Variants in SGCG observed in about 807,000 individuals in gnomAD.
SGCG encodes the protein sarcoglycan gamma, also known as gamma-sarcoglycan.
SGCG carries 26 observed loss-of-function variants against 29.3 expected under a neutral mutation model. The observed-to-expected ratio is 0.89, with a 90% CI of 0.65 to 1.23. SGCG has a LOEUF of 1.23. SGCG is among the 50% of genes most tolerant of loss of function. The probability of loss-of-function intolerance (pLI) is 0.00; values close to 1 mark genes in which losing one functional copy is unlikely to be tolerated. For synonymous variants in SGCG, 145 were observed against 129.7 expected (o/e 1.12, Z -0.80); for missense variants, 353 against 356.0 (o/e 0.99, Z 0.07).
intron 1 of SGCG, among the ~76,000 whole-genome samples, chr13:23,194,601 C>A (rs1293904925): frequency 6.6e-6 from 1 of 152,150 alleles, no homozygotes; most frequent in African/African-American, 2.4e-5. Flanking sequence ...ATAGCAGAGG[C>A]CAGCTTCTCT....
intron 1 of SGCG, among the ~76,000 whole-genome samples, chr13:23,190,491 G>T (rs535631524): frequency 6.6e-6 from 1 of 152,106 alleles, no homozygotes; most frequent in East Asian, 1.9e-4. Context: ...GAGCTTTGGG[G>T]ATAAATTTTA....
At chr13:23,276,194 C>A (rs1282167363) in intron 4 of SGCG, among the ~76,000 whole-genome samples, 2 of 151,788 alleles carry the variant, frequency 1.3e-5, no homozygotes, top group East Asian at 1.9e-4. Context: ...AAAAAAAAAA[C>A]CGCTAGAATA....
intron 1 of SGCG, among the ~76,000 whole-genome samples, chr13:23,200,446 A>AAT (rs1877698067): frequency 6.6e-6 from 1 of 152,100 alleles, no homozygotes; most frequent in Non-Finnish European, 1.5e-5. Context: ...ACAAACAAAA[A>AAT]AACTGGGAAT....
At chr13:23,297,289 G>A (rs1881944215) in intron 6 of SGCG, among the ~76,000 whole-genome samples, 1 of 151,836 alleles carries the variant, frequency 6.6e-6, no homozygotes, top group Non-Finnish European at 1.5e-5. Context: ...CTCGGTCAGG[G>A]AGACCCTAAC....
chr13:23,197,776 T>C (rs766889615), intron 1 of SGCG, among the ~76,000 whole-genome samples: 5 of 152,074 alleles, frequency 3.3e-5, no homozygotes, highest in African/African-American at 4.8e-5. Context: ...GGAGAAAATA[T>C]AGGAAAGACA....
At chr13:23,318,398 T>C (rs537003705) in intron 6 of SGCG, among the ~76,000 whole-genome samples, 1 of 151,858 alleles carries the variant, frequency 6.6e-6, no homozygotes, top group South Asian at 2.1e-4. Flanking sequence ...CAGTGTCTTA[T>C]GTCCTAAGAA....
rs779550455 is a variant in SGCG at position 23,250,647 on chromosome 13, A to G, written c.315A>G (p.Leu105=). 8 of 1,610,964 alleles carry G rather than the reference A, an allele frequency of 5.0e-6. No homozygotes were observed. The South Asian group carries it at 6.6e-5, about 13-fold the overall frequency. ...CTTTCTAGGACTCATCTCTGCTTCTACAATCAACCCAGAATGTGACTGTAA... is the reference window on the plus strand; with the variant it reads ...CTTTCTAGGACTCATCTCTGCTTCTGCAATCAACCCAGAATGTGACTGTAA... ...IHSRVDSSLL[L]QSTQNVTVNA... The change falls in exon 4 of 8, where the codon CTA becomes CTG. Residue 105 remains leucine, a synonymous_variant. Transcript: ENST00000218867.
intron 4 of SGCG, among the ~76,000 whole-genome samples, chr13:23,253,222 G>C (rs1880046606): frequency 6.6e-6 from 1 of 152,112 alleles, no homozygotes; most frequent in Non-Finnish European, 1.5e-5. Context: ...ACTCCAGCTT[G>C]GGTGAGAAAG....
chr13:23,182,551 C>T (rs1051696727), intron 1 of SGCG, among the ~76,000 whole-genome samples: 1 of 152,066 alleles, frequency 6.6e-6, no homozygotes, highest in Non-Finnish European at 1.5e-5. Context: ...AGTTCTACGA[C>T]GTTCTCATGA....
chr13:23,319,973 C>G (rs1019912794), intron 6 of SGCG, among the ~76,000 whole-genome samples: 2 of 152,206 alleles, frequency 1.3e-5, no homozygotes, highest in East Asian at 3.8e-4. Flanking sequence ...GGCCAACCTC[C>G]CTCCTTTCGG....
intron 2 of SGCG, among the ~76,000 whole-genome samples, chr13:23,207,874 A>G (rs981924086): frequency 6.6e-6 from 1 of 152,196 alleles, no homozygotes; most frequent in African/African-American, 2.4e-5. Context: ...TGCAGCCACT[A>G]TGGAAAACAG....
At chr13:23,253,514 T>C (rs1880056994) in intron 4 of SGCG, among the ~76,000 whole-genome samples, 1 of 152,192 alleles carries the variant, frequency 6.6e-6, no homozygotes, top group Admixed American at 6.5e-5. Flanking sequence ...GAAGTTAAAT[T>C]TTGCCAATTT....
intron 2 of SGCG, 120 bp downstream of exon 2, chr13:23,204,009 C>T (rs1268576528): frequency 6.2e-6 from 5 of 810,044 alleles, no homozygotes; most frequent in Non-Finnish European, 1.0e-5. Flanking sequence ...CTGTCTGGCT[C>T]TGAATTTCAG....
At chr13:23,167,273 G>A in the SGCG span, among the ~76,000 whole-genome samples, 1 of 152,120 alleles carries the variant, frequency 6.6e-6, no homozygotes, top group Non-Finnish European at 1.5e-5. Flanking sequence ...GTGTACATGT[G>A]CCACATTTTC....
chr13:23,199,106 T>G (rs1454627016), intron 1 of SGCG, among the ~76,000 whole-genome samples: 1 of 65,186 alleles, frequency 1.5e-5, no homozygotes, highest in African/African-American at 5.0e-5. Context: ...AGACTCCGTC[T>G]CAAAAAAAAA....
intron 2 of SGCG, among the ~76,000 whole-genome samples, chr13:23,232,255 A>G (rs1286169802): frequency 6.6e-6 from 1 of 152,192 alleles, no homozygotes; most frequent in African/African-American, 2.4e-5. Context: ...TAGTTTATGG[A>G]TTGAACCACA....
chr13:23,203,962 T>C, intron 2 of SGCG, 73 bp downstream of exon 2: 4 of 1,107,926 alleles, frequency 3.6e-6, no homozygotes, highest in Non-Finnish European at 5.5e-6. Flanking sequence ...ATTGTATTGA[T>C]AGGAGTTTCC....
intron 4 of SGCG, chr13:23,268,984 A>G (rs1165094003): frequency 6.6e-6 from 1 of 152,132 alleles, no homozygotes; most frequent in Non-Finnish European, 1.5e-5. Flanking sequence ...GTTAGAAAGA[A>G]AACCAATATG....
Position 23,219,751 on chromosome 13 carries a change from A to AT in SGCG, c.196-14848dup, listed in dbSNP as rs36072865. Among the ~76,000 whole-genome samples the AT allele has an allele frequency of 5.7e-3, 824 of 143,466 alleles. 8 individuals carry two copies. Among genetic ancestry groups the AT allele is most frequent in the African/African-American group, 0.011 (393 of 36,740 alleles). The allele number at this position is 143,466 out of a possible 152,430, so 94.1% of individuals were successfully genotyped here. ...AACCCCATAAACATACACAATTATT[A>AT]TTTTTTTTTTTTGAGATGGAGTCTG... On this transcript the variant is annotated intron_variant, in intron 2 of 7. Transcript: ENST00000218867.
Sources: allele counts gnomAD v4.1 joint callset (sites outside exome capture counted in the v4.1 genomes callset), GRCh38; gene constraint gnomAD v4.1.1; transcripts MANE v1.5; gene names NCBI Gene and HGNC (gene_info 2026-07-23, HGNC 2026-07-21).